Variants in BTBD9 observed in about 807,000 individuals in gnomAD.
The protein encoded by BTBD9 is BTB/POZ domain-containing protein 9.
In BTBD9, 49 loss-of-function variants were observed where a neutral mutation model predicts 64.3. The ratio of observed to expected loss-of-function variants is 0.76; its 90% confidence interval spans 0.61 to 0.97. The LOEUF (loss-of-function observed/expected upper bound fraction) is 0.97, where lower values mean the gene tolerates loss of function less well. Among genes scored for constraint, BTBD9 ranks in the 50% least tolerant of loss-of-function variants. The pLI, the probability that BTBD9 is intolerant of heterozygous loss-of-function variation, is 0.00. For synonymous variants in BTBD9, 260 were observed against 274.7 expected (o/e 0.95, Z 0.53); for missense variants, 598 against 762.1 (o/e 0.78, Z 2.53).
At chr6:38,503,284 C>G (rs375638267) in intron 6 of BTBD9, among the ~76,000 whole-genome samples, 88 of 152,114 alleles carry the variant, frequency 5.8e-4, no homozygotes, top group Admixed American at 2.6e-3. Context: ...AGCCTCTAGC[C>G]AACAACCCAC....
chr6:38,412,436 G>A (rs1767469255), intron 6 of BTBD9, among the ~76,000 whole-genome samples: 1 of 152,062 alleles, frequency 6.6e-6, no homozygotes, highest in Non-Finnish European at 1.5e-5. Context: ...GTTGTTAAGA[G>A]TGTAGGGAAA....
intron 6 of BTBD9, among the ~76,000 whole-genome samples, chr6:38,489,733 G>A (rs1052680329): frequency 2.0e-5 from 3 of 152,086 alleles, no homozygotes; most frequent in Non-Finnish European, 4.4e-5. Flanking sequence ...TCACACTGAC[G>A]TTGATCCTTT....
chr6:38,357,793 G>A (rs1036209058), intron 6 of BTBD9, among the ~76,000 whole-genome samples: 2 of 152,006 alleles, frequency 1.3e-5, no homozygotes, highest in Non-Finnish European at 2.9e-5. Context: ...ATTCCTTCTT[G>A]TCTTAAAATA....
rs1315116985 is a variant in BTBD9 at position 38,432,898 on chromosome 6, A to G, written c.1155-87805T>C. On this transcript the variant is annotated intron_variant, in intron 6 of 10. Coordinates refer to ENST00000481247, the MANE Select transcript of BTBD9 (RefSeq NM_001099272.2). ...TTGCATGGCCAGCTTCACATTAATA[A>G]AACTCTTTCTCTACTGCAATAGCAC... Among the ~76,000 whole-genome samples the G allele has an allele frequency of 3.9e-5, 6 of 152,098 alleles. 1 individual carries two copies. The South Asian group carries it at 8.3e-4, about 21-fold the overall frequency.
intron 6 of BTBD9, among the ~76,000 whole-genome samples, chr6:38,443,959 C>T (rs148762785): frequency 1.4e-4 from 22 of 152,290 alleles, no homozygotes; most frequent in African/African-American, 4.8e-4. Context: ...TAAGTGGTTT[C>T]CTGCCTCTAC....
intron 6 of BTBD9, among the ~76,000 whole-genome samples, chr6:38,353,561 A>T (rs1328221255): frequency 6.6e-6 from 1 of 152,232 alleles, no homozygotes; most frequent in Non-Finnish European, 1.5e-5. Flanking sequence ...AACCAATGTC[A>T]TTACTCAATA....
At chr6:38,271,987 G>A (rs1470168923) in intron 8 of BTBD9, among the ~76,000 whole-genome samples, 1 of 150,032 alleles carries the variant, frequency 6.7e-6, no homozygotes, top group African/African-American at 2.4e-5. Flanking sequence ...GGGAGGGGGG[G>A]AAGCAGCAGC....
At chr6:38,354,438 A>G (rs1764639423) in intron 6 of BTBD9, among the ~76,000 whole-genome samples, 1 of 152,182 alleles carries the variant, frequency 6.6e-6, no homozygotes, top group Non-Finnish European at 1.5e-5. Context: ...GTATTGTTAT[A>G]TATGATAATA....
chr6:38,357,392 C>A (rs1289306704), intron 6 of BTBD9, among the ~76,000 whole-genome samples: 1 of 152,146 alleles, frequency 6.6e-6, no homozygotes, highest in Non-Finnish European at 1.5e-5. Context: ...TTCCCATTTT[C>A]TTTATCCTTG....
chr6:38,417,729 C>T (rs1283834051), intron 6 of BTBD9, among the ~76,000 whole-genome samples: 9 of 149,696 alleles, frequency 6.0e-5, no homozygotes, highest in Non-Finnish European at 1.0e-4. Flanking sequence ...GCCCTGATTG[C>T]GCCACTGCAT....
Position 38,594,277 on chromosome 6 carries a change from G to A in BTBD9, c.236C>T (p.Pro79Leu), listed in dbSNP as rs762816839. 3.7e-6 allele frequency: 6 copies of A among 1,613,994 alleles called. No homozygotes were observed. The highest frequency in any genetic ancestry group is 4.2e-6 in the Non-Finnish European group (5 of 1,179,912). Residue 79 changes from proline to leucine, a missense_variant, in exon 3 of 11, where the codon CCT (proline) becomes CTT (leucine). Pro to Leu is a moderately conservative substitution (Grantham distance 98). Transcript: ENST00000481247. ...MRESQPEAEIPLQDTTAEAFT... is the reference protein window; with the variant it reads ...MRESQPEAEILLQDTTAEAFT... The stretch of plus-strand genomic sequence containing the variant: ...TGCTTCTGCAGTGGTGTCTTGGAGA[G>A]GAATTTCTGCTTCAGGCTGAGACTC...
chr6:38,375,751 C>T (rs183695396), intron 6 of BTBD9, among the ~76,000 whole-genome samples: 2 of 152,198 alleles, frequency 1.3e-5, no homozygotes, highest in African/African-American at 4.8e-5. Flanking sequence ...ACACTGCATA[C>T]TGTGCAACAT....
At chr6:38,348,329 A>G (rs1346606197) in intron 6 of BTBD9, among the ~76,000 whole-genome samples, 1 of 152,200 alleles carries the variant, frequency 6.6e-6, no homozygotes, top group Non-Finnish European at 1.5e-5. Flanking sequence ...ATATAGGTAA[A>G]GTTTAAGATT....
intron 4 of BTBD9, chr6:38,587,338 G>A: frequency 2.2e-6 from 1 of 452,758 alleles, no homozygotes; most frequent in South Asian, 1.9e-5. Flanking sequence ...CAGACAGTTG[G>A]ACCTAAGTGG....
chr6:38,490,734 G>A (rs926432668), intron 6 of BTBD9, among the ~76,000 whole-genome samples: 2 of 152,226 alleles, frequency 1.3e-5, no homozygotes, highest in African/African-American at 4.8e-5. Flanking sequence ...TCAGTGAGAA[G>A]AGGGAAGAAG....
intron 9 of BTBD9, among the ~76,000 whole-genome samples, chr6:38,237,282 C>A (rs925274397): frequency 4.6e-5 from 7 of 152,200 alleles, no homozygotes; most frequent in African/African-American, 1.7e-4. Flanking sequence ...TTCTCCCTAA[C>A]TCCACACAGA....
intron 6 of BTBD9, among the ~76,000 whole-genome samples, chr6:38,535,391 G>A (rs1240408508): frequency 6.6e-6 from 1 of 152,074 alleles, no homozygotes; most frequent in African/African-American, 2.4e-5. Context: ...TCATGTTCAT[G>A]GACTAGAAGA....
intron 10 of BTBD9, among the ~76,000 whole-genome samples, chr6:38,182,981 C>T (rs201225995): frequency 7.0e-6 from 1 of 142,914 alleles, no homozygotes; most frequent in Non-Finnish European, 1.5e-5. Flanking sequence ...AAAAGGTCTT[C>T]TTTTTTTTTT....
chr6:38,174,827 G>A lies in BTBD9; in HGVS notation c.*158C>T. On this transcript the variant is annotated 3_prime_UTR_variant, in exon 11 of 11. Coordinates refer to ENST00000481247, the MANE Select transcript of BTBD9 (RefSeq NM_001099272.2). ...AACAAAGCAGCCCCTTTCTGTCCTT[G>A]GGAGAAAACCTGTTCGGTGTCTGCT... is the stretch of plus-strand genomic sequence containing the variant. The A allele has an allele frequency of 1.2e-6, 1 of 836,736 alleles. No individual in the cohort carries two copies. Among genetic ancestry groups the A allele is most frequent in the Non-Finnish European group, 1.9e-6 (1 of 532,284 alleles). 51.8% of individuals were successfully genotyped at this position (836,736 alleles called of 1,614,324 possible). A position where few individuals can be genotyped will look rare whatever the true frequency, so the allele number is the denominator to read the frequency against.
Sources: gnomAD v4.1 joint callset for allele counts (sites outside exome capture counted in the v4.1 genomes callset) on GRCh38, gnomAD v4.1.1 for gene constraint, MANE v1.5 for transcripts, NCBI Gene and HGNC (gene_info 2026-07-23, HGNC 2026-07-21) for gene names.